The following LMNB1 variants were observed in gnomAD, a reference collection of about 807,000 sequenced individuals.
LMNB1 encodes the protein lamin-B1.
A neutral mutation model predicts 67.1 loss-of-function variants in LMNB1; 23 were observed. That is an observed-to-expected ratio of 0.34 (90% CI 0.25 to 0.49). The LOEUF (loss-of-function observed/expected upper bound fraction) is 0.49, where lower values mean the gene tolerates loss of function less well. Ranked by LOEUF, LMNB1 falls within the 20% of genes least tolerant of loss-of-function variation. The pLI is 0.99. For missense variants in LMNB1, 634 were observed against 746.5 expected (o/e 0.85, Z 1.76); for synonymous variants, 281 against 282.9 (o/e 0.99, Z 0.07).
intron 1 of LMNB1, among the ~76,000 whole-genome samples, chr5:126,789,275 A>G (rs1750890756): frequency 1.3e-5 from 2 of 152,148 alleles, no homozygotes; most frequent in Admixed American, 6.6e-5. Flanking sequence ...CAGAACCCTT[A>G]TCTCTCTAAG....
intron 1 of LMNB1, among the ~76,000 whole-genome samples, chr5:126,783,688 T>A (rs78767528): frequency 0.095 from 14,476 of 152,228 alleles, 737 homozygotes; most frequent in Middle Eastern, 0.2. Context: ...ACAGGCAGAA[T>A]GAAAGATAAA....
chr5:126,797,848 G>A (rs1751143241), intron 1 of LMNB1, among the ~76,000 whole-genome samples: 1 of 152,128 alleles, frequency 6.6e-6, no homozygotes, highest in Admixed American at 6.5e-5. Context: ...GGCTGAGGCG[G>A]ACAGGTCACT....
At chr5:126,801,711 G>T (rs1751291457) in intron 1 of LMNB1, among the ~76,000 whole-genome samples, 1 of 152,190 alleles carries the variant, frequency 6.6e-6, no homozygotes, top group African/African-American at 2.4e-5. Flanking sequence ...TTGTAAAGTT[G>T]ACATGCTGTT....
intron 1 of LMNB1, among the ~76,000 whole-genome samples, chr5:126,783,367 T>TA (rs1168070011): frequency 1.6e-5 from 2 of 123,240 alleles, no homozygotes; most frequent in Non-Finnish European, 3.6e-5. Flanking sequence ...TTTTATAACT[T>TA]AAAATATAAG....
chr5:126,779,562 T>G (rs1346299527), intron 1 of LMNB1, among the ~76,000 whole-genome samples: 1 of 152,202 alleles, frequency 6.6e-6, no homozygotes, highest in South Asian at 2.1e-4. Flanking sequence ...CTGTGTAGGA[T>G]CCATCCTGTT....
rs753414634 is a variant in LMNB1 at position 126,821,027 on chromosome 5, G to A, written c.1278G>A (p.Ala426=). The A allele has an allele frequency of 2.3e-5, 37 of 1,613,870 alleles. No homozygotes were observed. The highest frequency in any genetic ancestry group is 1.7e-4 in the African/African-American group (13 of 74,902). ...RKRVDVEESE[A]SSSVSISHSA... ...GGGTTGATGTGGAAGAATCAGAGGC[G>A]AGTAGTAGTGTTAGCATCTCTCATT... Residue 426 remains alanine (A), a synonymous_variant, in exon 7 of 11, where the codon GCG becomes GCA. Transcript: ENST00000261366.
intron 6 of LMNB1, among the ~76,000 whole-genome samples, chr5:126,820,254 A>G (rs1187814242): frequency 6.6e-6 from 1 of 152,226 alleles, no homozygotes; most frequent in African/African-American, 2.4e-5. Context: ...AAGTACAGGT[A>G]CGAAAAGAGA....
intron 5 of LMNB1, among the ~76,000 whole-genome samples, chr5:126,812,718 CTT>C (rs11430160): frequency 1.0e-3 from 121 of 117,124 alleles, no homozygotes; most frequent in South Asian, 2.3e-3. Context: ...CTTTATTTTA[CTT>C]TTTTTTTTTT....
At chr5:126,782,014 T>C (rs759508389) in intron 1 of LMNB1, among the ~76,000 whole-genome samples, 1 of 152,214 alleles carries the variant, frequency 6.6e-6, no homozygotes. Flanking sequence ...CCAAGACTGA[T>C]TATATTTTGC....
At chr5:126,791,807 A>G (rs1297511687) in intron 1 of LMNB1, among the ~76,000 whole-genome samples, 1 of 151,236 alleles carries the variant, frequency 6.6e-6, no homozygotes, top group African/African-American at 2.4e-5. Flanking sequence ...TTTTTGAGAC[A>G]GGGTCTTGCT....
rs151337188 is a variant in LMNB1 at position 126,811,960 on chromosome 5, C to T, written c.939+62C>T. On this transcript the variant is annotated intron_variant, in intron 5 of 10. Coordinates refer to ENST00000261366, the MANE Select transcript of LMNB1 (RefSeq NM_005573.4). Reference sequence around the variant, plus strand: ...AGGCTACCTTCACCACGGGCACCTACCTGCTTTGCTTGGGCTGATGTCACT... The same window carrying T: ...AGGCTACCTTCACCACGGGCACCTATCTGCTTTGCTTGGGCTGATGTCACT... 6.8e-4 allele frequency: 1,048 copies of T among 1,545,152 alleles called. 29 individuals carry two copies. In the East Asian group the frequency reaches 0.024, roughly 35 times the overall value.
Position 126,777,549 on chromosome 5 carries a change from G to C in LMNB1, c.41G>C (p.Arg14Pro). 6.9e-7 allele frequency: 1 copy of C among 1,447,672 alleles called. No homozygotes were observed. Among genetic ancestry groups the C allele is most frequent in the Non-Finnish European group, 9.1e-7 (1 of 1,096,318 alleles). 89.7% of individuals were successfully genotyped at this position (1,447,672 alleles called of 1,614,324 possible). A position where few individuals can be genotyped will look rare whatever the true frequency, so the allele number is the denominator to read the frequency against. ...CCCGTGCCGCCGCGGATGGGCAGCCGCGCTGGCGGCCCCACCACGCCGCTG... is the reference window on the plus strand; with the variant it reads ...CCCGTGCCGCCGCGGATGGGCAGCCCCGCTGGCGGCCCCACCACGCCGCTG... ...ATPVPPRMGS[R>P]AGGPTTPLSP... The change falls in exon 1 of 11, where the codon CGC (arginine) becomes CCC (proline). Residue 14 changes from arginine to proline, a missense_variant. Coordinates refer to ENST00000261366, the MANE Select transcript of LMNB1 (RefSeq NM_005573.4).
At chr5:126,809,686 C>CGGAAAAGAAA (rs1751536820) in intron 3 of LMNB1, among the ~76,000 whole-genome samples, 1 of 151,630 alleles carries the variant, frequency 6.6e-6, no homozygotes, top group South Asian at 2.1e-4. Context: ...TACTCTATCT[C>CGGAAAAGAAA]AGAAAAGAAA....
At chr5:126,800,982 A>ATATATATATATATATATTTTTTTTTTTTT in intron 1 of LMNB1, among the ~76,000 whole-genome samples, 1 of 18,632 alleles carries the variant, frequency 5.4e-5, no homozygotes, top group Non-Finnish European at 1.0e-4. Flanking sequence ...TATATATATA[A>ATATATATATATATATATTTTTTTTTTTTT]TTTTTTTTTT....
intron 8 of LMNB1, 45 bp downstream of exon 8, chr5:126,822,930 CT>C (rs754663675): frequency 1.2e-5 from 15 of 1,273,364 alleles, no homozygotes; most frequent in Non-Finnish European, 1.5e-5. Flanking sequence ...ATTGTGTTAA[CT>C]AACAAAGTAA....
intron 6 of LMNB1, 172 bp downstream of exon 6, chr5:126,819,314 T>C: frequency 1.8e-6 from 1 of 544,202 alleles, no homozygotes; most frequent in Non-Finnish European, 3.2e-6. Context: ...TCGCAGAAAA[T>C]GTTGCTCAAG....
chr5:126,808,170 C>T (rs1408460727), intron 3 of LMNB1, among the ~76,000 whole-genome samples: 1 of 150,718 alleles, frequency 6.6e-6, no homozygotes, highest in Non-Finnish European at 1.5e-5. Context: ...CCGCACCTGG[C>T]CTTTTTTACT....
intron 1 of LMNB1, among the ~76,000 whole-genome samples, chr5:126,802,553 C>T (rs1235005383): frequency 6.6e-6 from 1 of 152,176 alleles, no homozygotes; most frequent in Non-Finnish European, 1.5e-5. Flanking sequence ...AGGCAATTCT[C>T]CTGCCTCAGC....
At chr5:126,804,992 G>A (rs1177561663) in intron 2 of LMNB1, 60 bp downstream of exon 2, 3 of 1,354,984 alleles carry the variant, frequency 2.2e-6, no homozygotes, top group Non-Finnish European at 3.0e-6. Flanking sequence ...TCTGCCTTAA[G>A]CCATAGTTTG....
Sources: gnomAD v4.1 joint callset for allele counts (sites outside exome capture counted in the v4.1 genomes callset) on GRCh38, gnomAD v4.1.1 for gene constraint, MANE v1.5 for transcripts, NCBI Gene and HGNC (gene_info 2026-07-23, HGNC 2026-07-21) for gene names.